The following JARID2 variants were observed in gnomAD, a reference collection of about 807,000 sequenced individuals.
JARID2 encodes the protein jumonji and AT-rich interaction domain containing 2.
In JARID2, 21 loss-of-function variants were observed where a neutral mutation model predicts 125.6. The ratio of observed to expected loss-of-function variants is 0.17; its 90% CI spans 0.12 to 0.24. JARID2 has a LOEUF of 0.24. Among genes scored for constraint, JARID2 ranks in the 10% least tolerant of loss-of-function variants. The pLI is 1.00. For synonymous variants in JARID2, 736 were observed against 661.6 expected (o/e 1.11, Z -1.73); for missense variants, 1,303 against 1,639.6 (o/e 0.79, Z 3.55).
chr6:15,480,558 AAGT>A (rs1348914845), intron 5 of JARID2, among the ~76,000 whole-genome samples: 1 of 152,192 alleles, frequency 6.6e-6, no homozygotes, highest in Non-Finnish European at 1.5e-5. Context: ...AGACAGGTAA[AAGT>A]AGAAGGCCAG....
At chr6:15,501,668 G>A (rs1025872615) in intron 8 of JARID2, among the ~76,000 whole-genome samples, 3 of 152,176 alleles carry the variant, frequency 2.0e-5, no homozygotes, top group African/African-American at 7.2e-5. Context: ...GAGGAACCTA[G>A]TGAGGGCCTT....
In JARID2 at chr6:15,283,483, G is replaced by C. The variant is rs543631047; in HGVS notation, c.45+36899G>C. 2.7e-3 allele frequency among the ~76,000 whole-genome samples: 390 copies of C among 145,902 alleles called. 6 individuals carry two copies. Among genetic ancestry groups the C allele is most frequent in the African/African-American group, 9.2e-3 (362 of 39,166 alleles). ...AGCCTCCCGAGTAGCTGGGACTACA[G>C]GCATGCACCAGCTACGCCCGGCTAA... On this transcript the variant is annotated intron_variant, in intron 1 of 17. Transcript: ENST00000341776.
intron 12 of JARID2, chr6:15,508,820 T>G (rs1339779439): frequency 2.0e-6 from 1 of 504,820 alleles, no homozygotes; most frequent in African/African-American, 2.0e-5. Flanking sequence ...CTTTTTCTTG[T>G]GGATTTCCAA....
At chr6:15,287,122 C>T (rs1317346652) in intron 1 of JARID2, among the ~76,000 whole-genome samples, 1 of 113,524 alleles carries the variant, frequency 8.8e-6, no homozygotes, top group Non-Finnish European at 1.8e-5. Flanking sequence ...GTGAAACTCT[C>T]ATCTCAAAAA....
intron 7 of JARID2, 63 bp downstream of exon 7, chr6:15,497,233 C>G (rs368512171): frequency 3.1e-5 from 38 of 1,226,188 alleles, no homozygotes; most frequent in Non-Finnish European, 4.2e-5. Flanking sequence ...CCCTGCAGTT[C>G]CCTCACAGTC....
At chr6:15,314,343 T>G (rs201904958) in intron 1 of JARID2, among the ~76,000 whole-genome samples, 1 of 151,638 alleles carries the variant, frequency 6.6e-6, no homozygotes. Flanking sequence ...TTAAAAAAAA[T>G]GAAGAGCAAG....
chr6:15,413,112 C>T (rs1309908828), intron 3 of JARID2, among the ~76,000 whole-genome samples: 4 of 148,004 alleles, frequency 2.7e-5, no homozygotes, highest in Admixed American at 6.9e-5. Flanking sequence ...CTCTGCCTCC[C>T]GGGCTCAAGG....
At chr6:15,366,232 T>C (rs1173352561) in intron 1 of JARID2, among the ~76,000 whole-genome samples, 2 of 152,232 alleles carry the variant, frequency 1.3e-5, no homozygotes, top group South Asian at 2.1e-4. Context: ...ATAAAAGGCA[T>C]TCATGTACAG....
At chr6:15,271,748 C>T (rs536799822) in intron 1 of JARID2, among the ~76,000 whole-genome samples, 48 of 152,262 alleles carry the variant, frequency 3.2e-4, no homozygotes, top group Non-Finnish European at 6.8e-4. Context: ...GCCTGTAATC[C>T]CAGCACTTTG....
intron 3 of JARID2, among the ~76,000 whole-genome samples, chr6:15,443,139 A>C (rs1336959014): frequency 6.6e-6 from 1 of 151,018 alleles, no homozygotes; most frequent in African/African-American, 2.4e-5. Flanking sequence ...CCACTTTAGT[A>C]TTCCAAGGGA....
chr6:15,319,074 T>G (rs794794), intron 1 of JARID2, among the ~76,000 whole-genome samples: 64,947 of 152,096 alleles, frequency 0.43, 14,451 homozygotes, highest in East Asian at 0.55. Flanking sequence ...TGTATTTACA[T>G]AGAAAGTAAG....
In JARID2 at chr6:15,437,802, CA is replaced by C. The variant is rs397961920; in HGVS notation, c.324-14193del. 3.8e-3 allele frequency among the ~76,000 whole-genome samples: 525 copies of C among 138,546 alleles called. 2 individuals carry two copies. The highest frequency in any genetic ancestry group is 6.2e-3 in the Non-Finnish European group (390 of 63,230). The allele number at this position is 138,546 out of a possible 152,430, so 90.9% of individuals were successfully genotyped here. A position where few individuals can be genotyped will look rare whatever the true frequency, so the allele number is the denominator to read the frequency against. ...CTGGCAACAGAGTGAGACTCTGTCT[CA>C]AAAAAAAAAAGAAAGAATTTACCAT... On this transcript the variant is annotated intron_variant, in intron 3 of 17. Coordinates refer to ENST00000341776, the MANE Select transcript of JARID2 (RefSeq NM_004973.4).
chr6:15,450,200 G>A (rs764725733), intron 3 of JARID2, among the ~76,000 whole-genome samples: 1 of 151,748 alleles, frequency 6.6e-6, no homozygotes, highest in Non-Finnish European at 1.5e-5. Context: ...ACGGAGTTTC[G>A]CTCTTGTTGC....
chr6:15,444,984 A>G (rs552116836), intron 3 of JARID2, among the ~76,000 whole-genome samples: 3 of 152,194 alleles, frequency 2.0e-5, no homozygotes, highest in East Asian at 1.9e-4. Flanking sequence ...GTGTCACGCC[A>G]TGCCCTTCTT....
At chr6:15,413,000 G>GTTTTTTTTTTTTTTTTTT (rs1561845196) in intron 3 of JARID2, among the ~76,000 whole-genome samples, 2 of 65,028 alleles carry the variant, frequency 3.1e-5, no homozygotes, top group African/African-American at 1.2e-4. Context: ...GGAAGAGCTT[G>GTTTTTTTTTTTTTTTTTT]TGTTTTTGTT....
chr6:15,502,487 T>A (rs1398538392), intron 8 of JARID2, among the ~76,000 whole-genome samples: 2 of 152,160 alleles, frequency 1.3e-5, no homozygotes, highest in African/African-American at 4.8e-5. Flanking sequence ...CATTGGGAAT[T>A]GGCTGTTGGT....
At chr6:15,494,528 C>T (rs1770314559) in intron 6 of JARID2, among the ~76,000 whole-genome samples, 1 of 148,476 alleles carries the variant, frequency 6.7e-6, no homozygotes, top group African/African-American at 2.5e-5. Flanking sequence ...TCTGCCTCAG[C>T]CTCCCAAGTA....
intron 1 of JARID2, among the ~76,000 whole-genome samples, chr6:15,331,120 C>G (rs895270635): frequency 6.6e-5 from 10 of 152,064 alleles, no homozygotes; most frequent in African/African-American, 2.2e-4. Context: ...AGTTCGATCA[C>G]TTGAGCCCAG....
Position 15,507,150 on chromosome 6 carries a change from G to A in JARID2, c.2556G>A (p.Arg852=). 2 of 1,610,390 alleles carry A rather than the reference G, an allele frequency of 1.2e-6. No homozygotes were observed. The highest frequency in any genetic ancestry group is 1.7e-6 in the Non-Finnish European group (2 of 1,176,534). The change falls in exon 10 of 18, where the codon AGG becomes AGA. Residue 852 remains arginine, a synonymous_variant. Coordinates refer to ENST00000341776, the MANE Select transcript of JARID2 (RefSeq NM_004973.4). ...GTTCCCTGCAGCAAGAGTACTGGAG[G>A]CTAGTGGAAGAGAAGGACTGCCACG... ...APAEIEQEYW[R]LVEEKDCHVA... is the part of the protein sequence containing the mutation.
Sources: gnomAD v4.1 joint callset for allele counts (sites outside exome capture counted in the v4.1 genomes callset) on GRCh38, gnomAD v4.1.1 for gene constraint, MANE v1.5 for transcripts, NCBI Gene and HGNC (gene_info 2026-07-23, HGNC 2026-07-21) for gene names.